WWC1: variants seen among roughly 807,000 people sequenced by gnomAD.
WWC1 encodes WW and C2 domain containing 1, also known as protein KIBRA.
WWC1 carries 55 observed loss-of-function variants against 138.4 expected under a neutral mutation model. That is an observed-to-expected ratio of 0.40 (90% CI 0.32 to 0.50). The LOEUF is 0.50. WWC1 is among the 20% of genes least tolerant of loss of function. The pLI, the probability that WWC1 is intolerant of heterozygous loss-of-function variation, is 0.72. For synonymous variants in WWC1, 524 were observed against 564.9 expected, an observed-to-expected ratio of 0.93 and a Z score of 1.03; for missense variants, 1,226 against 1,420.4, an observed-to-expected ratio of 0.86 and a Z score of 2.20.
At chr5:168,329,466 A>G (rs1772846682) in intron 1 of WWC1, among the ~76,000 whole-genome samples, 1 of 151,228 alleles carries the variant, frequency 6.6e-6, no homozygotes, top group Non-Finnish European at 1.5e-5. Flanking sequence ...ACCAGTGTAA[A>G]TGTTTACTTT....
At chr5:168,380,926 A>G (rs1246688460) in intron 2 of WWC1, among the ~76,000 whole-genome samples, 2 of 152,168 alleles carry the variant, frequency 1.3e-5, no homozygotes, top group African/African-American at 4.8e-5. Flanking sequence ...ATGCATGTGA[A>G]GTTCTAAAAC....
chr5:168,466,909 T>G (rs1179041384), intron 21 of WWC1, among the ~76,000 whole-genome samples: 2 of 150,308 alleles, frequency 1.3e-5, no homozygotes, highest in Non-Finnish European at 2.9e-5. Flanking sequence ...ACTTGACCTT[T>G]CAAATAGTAA....
chr5:168,364,966 C>G (rs1297128445), intron 1 of WWC1, among the ~76,000 whole-genome samples: 1 of 152,194 alleles, frequency 6.6e-6, no homozygotes, highest in Non-Finnish European at 1.5e-5. Flanking sequence ...GTGCTCAGCT[C>G]TCCTAACAAA....
chr5:168,429,921 G>A (rs1781812154), intron 13 of WWC1, among the ~76,000 whole-genome samples: 1 of 152,084 alleles, frequency 6.6e-6, no homozygotes, highest in South Asian at 2.1e-4. Context: ...ATGACAGAGT[G>A]AGACCCTGTT....
chr5:168,424,546 T>C (rs972981466), intron 11 of WWC1, among the ~76,000 whole-genome samples: 5 of 151,946 alleles, frequency 3.3e-5, no homozygotes, highest in Non-Finnish European at 7.4e-5. Flanking sequence ...TGGTTAGAGG[T>C]GGGACTGCCA....
At chr5:168,431,231 T>C in intron 14 of WWC1, 21 bp from the exon 15 acceptor site, 1 of 1,592,926 alleles carries the variant, frequency 6.3e-7, no homozygotes, top group Non-Finnish European at 8.6e-7. Flanking sequence ...CAAGATTTCC[T>C]GCGGTTCTGT....
At chr5:168,428,586 A>C in intron 12 of WWC1, 121 bp from the exon 13 acceptor site, 1 of 904,700 alleles carries the variant, frequency 1.1e-6, no homozygotes, top group South Asian at 1.9e-5. Context: ...AAATTTAAAA[A>C]AGGACCTGAA....
intron 17 of WWC1, among the ~76,000 whole-genome samples, chr5:168,453,407 G>A (rs943517142): frequency 2.0e-5 from 3 of 152,152 alleles, no homozygotes; most frequent in Non-Finnish European, 4.4e-5. Flanking sequence ...CTGCCTAGTG[G>A]GTGATTAAAC....
At chr5:168,403,435 A>T (rs916155823) in intron 5 of WWC1, among the ~76,000 whole-genome samples, 1 of 152,158 alleles carries the variant, frequency 6.6e-6, no homozygotes, top group Admixed American at 6.5e-5. Flanking sequence ...GTCACCTGTC[A>T]TGATTCTGAT....
chr5:168,359,109 G>T lies in WWC1; in HGVS notation c.120-12315G>T, dbSNP rs572047197. On this transcript the variant is annotated intron_variant, in intron 1 of 22. Coordinates refer to ENST00000265293, the MANE Select transcript of WWC1 (RefSeq NM_015238.3). ...CTCACTCTGTCACCCAGGCTGGAGT[G>T]CAGTGGCACGATCTGGGTTCACTGC... is the stretch of plus-strand genomic sequence containing the variant. 1.1e-4 allele frequency among the ~76,000 whole-genome samples: 16 copies of T among 151,958 alleles called. No individual in the cohort carries two copies. The Middle Eastern group carries it at 0.017, about 162-fold the overall frequency.
intron 5 of WWC1, among the ~76,000 whole-genome samples, chr5:168,401,364 T>G (rs530335610): frequency 4.6e-5 from 7 of 152,316 alleles, no homozygotes; most frequent in Non-Finnish European, 7.3e-5. Flanking sequence ...AGGCCACACC[T>G]GTATGGATGG....
intron 3 of WWC1, among the ~76,000 whole-genome samples, chr5:168,388,361 G>C (rs1217838327): frequency 6.6e-6 from 1 of 151,988 alleles, no homozygotes; most frequent in Non-Finnish European, 1.5e-5. Flanking sequence ...GCCTGAAATG[G>C]GGGAAAAGCA....
intron 1 of WWC1, among the ~76,000 whole-genome samples, chr5:168,298,037 A>G (rs1289165018): frequency 6.6e-6 from 1 of 151,844 alleles, no homozygotes; most frequent in Admixed American, 6.6e-5. Flanking sequence ...GCTTTGTTTT[A>G]TTTTATTTTA....
chr5:168,370,290 C>T (rs772458806), intron 1 of WWC1, among the ~76,000 whole-genome samples: 3 of 152,032 alleles, frequency 2.0e-5, no homozygotes, highest in Non-Finnish European at 4.4e-5. Context: ...TTAATTAATC[C>T]CCAAGAAGGA....
intron 3 of WWC1, among the ~76,000 whole-genome samples, chr5:168,395,542 C>T (rs1255532281): frequency 6.6e-5 from 10 of 152,210 alleles, no homozygotes; most frequent in Non-Finnish European, 1.3e-4. Flanking sequence ...CCTCCCCACA[C>T]TGTATGCTTA....
intron 1 of WWC1, among the ~76,000 whole-genome samples, chr5:168,347,391 C>A (rs78314239): frequency 0.018 from 2,738 of 152,306 alleles, 87 homozygotes; most frequent in African/African-American, 0.062. Flanking sequence ...CAGTTGATCA[C>A]CCTGGCCTTG....
At chr5:168,440,557 C>A (rs1436590994) in intron 15 of WWC1, among the ~76,000 whole-genome samples, 1 of 152,208 alleles carries the variant, frequency 6.6e-6, no homozygotes, top group African/African-American at 2.4e-5. Context: ...GTTCTTGTTG[C>A]CCAGGCTGGA....
chr5:168,460,773 G>T lies in WWC1; in HGVS notation c.2916+31G>T, dbSNP rs771661040. ...AGAGTCACCTCAAAGCTATTTTTCT[G>T]CCTGCTCCTCCCTCGTTGCCCCAAG... is the stretch of plus-strand genomic sequence containing the variant. On this transcript the variant is annotated intron_variant, in intron 20 of 22. Transcript: ENST00000265293. The T allele has an allele frequency of 1.1e-5, 17 of 1,609,836 alleles. No homozygotes were observed. In the East Asian group the frequency reaches 3.6e-4, roughly 34 times the overall value.
At chr5:168,384,736 C>T (rs4991914) in intron 2 of WWC1, among the ~76,000 whole-genome samples, 240 of 117,110 alleles carry the variant, frequency 2.0e-3, no homozygotes, top group African/African-American at 2.3e-3. Context: ...TTTTTTTTTT[C>T]AGACAGAGTC....
Sources: allele counts gnomAD v4.1 joint callset (sites outside exome capture counted in the v4.1 genomes callset), GRCh38; gene constraint gnomAD v4.1.1; transcripts MANE v1.5; gene names NCBI Gene and HGNC (gene_info 2026-07-23, HGNC 2026-07-21).